The following RAD51 variants were observed in gnomAD, a reference collection of about 807,000 sequenced individuals.
RAD51 encodes DNA repair protein RAD51 homolog 1.
Under a neutral mutation model 41.5 loss-of-function variants are expected in RAD51, and 14 were observed. That is an observed-to-expected ratio of 0.34 (90% confidence interval 0.22 to 0.53). The LOEUF (loss-of-function observed/expected upper bound fraction) is 0.53, where lower values mean the gene tolerates loss of function less well. RAD51 is among the 20% of genes least tolerant of loss of function. The pLI is 0.95. For missense variants in RAD51, 234 were observed against 422.0 expected, an observed-to-expected ratio of 0.55 and a Z score of 3.90; for synonymous variants, 136 against 148.6, an observed-to-expected ratio of 0.92 and a Z score of 0.62.
intron 4 of RAD51, among the ~76,000 whole-genome samples, chr15:40,707,835 A>G (rs1435706353): frequency 1.3e-5 from 2 of 152,020 alleles, no homozygotes; most frequent in Non-Finnish European, 2.9e-5. Flanking sequence ...CTCCTGCCTC[A>G]GTCTCCTGAG....
At chr15:40,696,510 A>G (rs1282024331) in intron 1 of RAD51, among the ~76,000 whole-genome samples, 4 of 152,170 alleles carry the variant, frequency 2.6e-5, no homozygotes, top group Non-Finnish European at 4.4e-5. Context: ...TATAAGCTGC[A>G]GTGAGCTGTG....
chr15:40,724,880 T>A (rs1440271989), intron 6 of RAD51, among the ~76,000 whole-genome samples: 1 of 130,860 alleles, frequency 7.6e-6, no homozygotes, highest in African/African-American at 2.9e-5. Flanking sequence ...TTTTTTTTAA[T>A]TTTTTTTAAT....
At chr15:40,700,834 T>C (rs1301253765) in intron 2 of RAD51, among the ~76,000 whole-genome samples, 1 of 152,218 alleles carries the variant, frequency 6.6e-6, no homozygotes, top group Admixed American at 6.5e-5. Context: ...ACATAGGTTA[T>C]ATGCAGGTAA....
At chr15:40,713,963 A>T (rs1331256795) in intron 5 of RAD51, among the ~76,000 whole-genome samples, 1 of 144,884 alleles carries the variant, frequency 6.9e-6, no homozygotes, top group Non-Finnish European at 1.5e-5. Flanking sequence ...AGTAGACCTA[A>T]TCCATTGTTA....
At chr15:40,721,010 T>A (rs1896242455) in intron 6 of RAD51, among the ~76,000 whole-genome samples, 1 of 152,158 alleles carries the variant, frequency 6.6e-6, no homozygotes, top group Admixed American at 6.6e-5. Flanking sequence ...GGCAAAACCC[T>A]GTCTCTACTA....
intron 5 of RAD51, among the ~76,000 whole-genome samples, chr15:40,711,261 AACAG>A (rs570374831): frequency 4.8e-4 from 73 of 152,210 alleles, no homozygotes; most frequent in Middle Eastern, 3.4e-3. Flanking sequence ...AACAAACAAA[AACAG>A]ACAATTAAAA....
At chr15:40,724,826 C>G (rs1313192771) in intron 6 of RAD51, among the ~76,000 whole-genome samples, 1 of 148,660 alleles carries the variant, frequency 6.7e-6, no homozygotes, top group East Asian at 1.9e-4. Flanking sequence ...CTACAGGCTT[C>G]CGCCACCACA....
At chr15:40,728,021 G>A (rs1448539330) in intron 6 of RAD51, among the ~76,000 whole-genome samples, 1 of 151,882 alleles carries the variant, frequency 6.6e-6, no homozygotes, top group Non-Finnish European at 1.5e-5. Context: ...CACCACGCCC[G>A]GCTAATTTTT....
At chr15:40,731,027 G>T (rs895926738) in intron 9 of RAD51, 28 bp from the exon 10 acceptor site, 20 of 1,613,610 alleles carry the variant, frequency 1.2e-5, no homozygotes, top group Non-Finnish European at 1.7e-5. Flanking sequence ...ATAATAAATT[G>T]GTGCTTTGGT....
chr15:40,715,378 A>G (rs1278180112), intron 5 of RAD51, among the ~76,000 whole-genome samples: 1 of 152,078 alleles, frequency 6.6e-6, no homozygotes, highest in Admixed American at 6.6e-5. Flanking sequence ...AAACCAAAAA[A>G]CCACAAAACA....
intron 5 of RAD51, among the ~76,000 whole-genome samples, chr15:40,715,489 A>C (rs949545114): frequency 3.3e-5 from 5 of 152,242 alleles, no homozygotes; most frequent in Non-Finnish European, 5.9e-5. Context: ...CATAATTAAA[A>C]TGGTAAAAGT....
intron 6 of RAD51, among the ~76,000 whole-genome samples, chr15:40,727,099 T>C (rs1896627012): frequency 6.6e-6 from 1 of 151,766 alleles, no homozygotes; most frequent in African/African-American, 2.4e-5. Context: ...AAATAGATAA[T>C]CTCCCTTTCT....
chr15:40,714,668 A>T (rs142334630), intron 5 of RAD51, among the ~76,000 whole-genome samples: 1 of 152,252 alleles, frequency 6.6e-6, no homozygotes. Flanking sequence ...ATTACATTTC[A>T]TCAGCCTAAG....
At chr15:40,704,568 G>C (rs1332021035) in intron 3 of RAD51, among the ~76,000 whole-genome samples, 1 of 150,738 alleles carries the variant, frequency 6.6e-6, no homozygotes, top group African/African-American at 2.4e-5. Context: ...CACCATATTG[G>C]GCAGGCTGGT....
chr15:40,702,177 G>A (rs1302188054), intron 3 of RAD51, among the ~76,000 whole-genome samples: 1 of 152,118 alleles, frequency 6.6e-6, no homozygotes, highest in East Asian at 1.9e-4. Flanking sequence ...TTGCTGAAGT[G>A]GTTGCTTAAT....
At chr15:40,711,535 T>G (rs1281551531) in intron 5 of RAD51, among the ~76,000 whole-genome samples, 1 of 152,176 alleles carries the variant, frequency 6.6e-6, no homozygotes, top group African/African-American at 2.4e-5. Context: ...GTTAGCTGTT[T>G]AAGGAATAGA....
chr15:40,719,040 T>G lies in RAD51; in HGVS notation c.530+141T>G, dbSNP rs1043878103. 5.5e-5 allele frequency: 43 copies of G among 775,284 alleles called. No individual in the cohort carries two copies. In the East Asian group the frequency reaches 1.2e-3, roughly 21 times the overall value. The allele number at this position is 775,284 out of a possible 1,614,324, so 48.0% of individuals were successfully genotyped here. On this transcript the variant is annotated intron_variant, in intron 6 of 9. Coordinates refer to ENST00000267868, the MANE Select transcript of RAD51 (RefSeq NM_002875.5). Reference sequence around the variant, plus strand: ...GTGTGGTTCAAAAGAATGACTTCCTTAGTAGAAAAAGGCATTCTTTTTTTT... The same window carrying G: ...GTGTGGTTCAAAAGAATGACTTCCTGAGTAGAAAAAGGCATTCTTTTTTTT...
intron 6 of RAD51, among the ~76,000 whole-genome samples, chr15:40,723,494 A>G (rs1262973321): frequency 6.6e-6 from 1 of 152,204 alleles, no homozygotes; most frequent in Non-Finnish European, 1.5e-5. Context: ...TTCAGCAATA[A>G]AAAAGAACTT....
Position 40,709,083 on chromosome 15 carries a change from C to T in RAD51, c.402C>T (p.Thr134=), listed in dbSNP as rs774860635. The change falls in exon 5 of 10, where the codon ACC becomes ACT. Residue 134 remains threonine, a synonymous_variant. Transcript: ENST00000267868. ...EMFGEFRTGK[T]QICHTLAVTC... is the part of the protein sequence containing the mutation. ...TTGGAGAATTCCGAACTGGGAAGACCCAGATCTGTCATACGCTAGCTGTCA... is the reference window on the plus strand; with the variant it reads ...TTGGAGAATTCCGAACTGGGAAGACTCAGATCTGTCATACGCTAGCTGTCA... 2.8e-5 allele frequency: 45 copies of T among 1,613,834 alleles called. No individual in the cohort carries two copies. The highest frequency in any genetic ancestry group is 2.1e-4 in the South Asian group (19 of 91,084).
Sources: gnomAD v4.1 joint callset for allele counts (sites outside exome capture counted in the v4.1 genomes callset) on GRCh38, gnomAD v4.1.1 for gene constraint, MANE v1.5 for transcripts, NCBI Gene and HGNC (gene_info 2026-07-23, HGNC 2026-07-21) for gene names.